ATP1A1: variants seen among roughly 807,000 people sequenced by gnomAD.
The protein encoded by ATP1A1 is ATPase Na+/K+ transporting subunit alpha 1, also known as sodium/potassium-transporting ATPase subunit alpha-1.
A neutral mutation model predicts 114.8 loss-of-function variants in ATP1A1; 14 were observed. The ratio of observed to expected loss-of-function variants is 0.12; its 90% CI spans 0.08 to 0.19. The LOEUF is 0.19. ATP1A1 is among the 10% of genes least tolerant of loss of function. ATP1A1 has a pLI of 1.00. For missense variants in ATP1A1, 524 were observed against 1,290.7 expected (o/e 0.41, Z 9.10); for synonymous variants, 471 against 466.3 (o/e 1.01, Z -0.13).
chr1:116,394,684 C>A (rs1652761526), intron 12 of ATP1A1, among the ~76,000 whole-genome samples: 1 of 152,100 alleles, frequency 6.6e-6, no homozygotes, highest in Non-Finnish European at 1.5e-5. Flanking sequence ...TAATATGTTT[C>A]AGTTAAATGA....
intron 1 of ATP1A1, among the ~76,000 whole-genome samples, chr1:116,379,122 G>T (rs1022492088): frequency 3.9e-5 from 6 of 152,202 alleles, no homozygotes; most frequent in Non-Finnish European, 8.8e-5. Context: ...GGCTCATTAA[G>T]AATTGACATG....
chr1:116,373,718 G>T, intron 1 of ATP1A1, 195 bp downstream of exon 1: 1 of 932,906 alleles, frequency 1.1e-6, no homozygotes, highest in Non-Finnish European at 1.4e-6. Flanking sequence ...GGGGGGCGGG[G>T]GAAGGGAGCG....
At chr1:116,374,287 A>G (rs1304918348) in intron 1 of ATP1A1, 1 of 1,551,636 alleles carries the variant, frequency 6.4e-7, no homozygotes, top group Admixed American at 2.0e-5. Context: ...TAAACACAGG[A>G]TGCACCGATG....
chr1:116,404,403 T>C lies in ATP1A1; in HGVS notation c.3044-13T>C, dbSNP rs1557797363. 3 of 1,613,806 alleles carry C rather than the reference T, an allele frequency of 1.9e-6. No individual in the cohort carries two copies. The highest frequency in any genetic ancestry group is 2.5e-6 in the Non-Finnish European group (3 of 1,179,894). On this transcript the variant is annotated splice_polypyrimidine_tract_variant and intron_variant, in intron 22 of 22. Transcript: ENST00000295598. This position sits in a 1 kb window ranked among gnomAD's most constrained non-coding sequence, Gnocchi z 4.8. Reference sequence around the variant, plus strand: ...ACTGTAGTGTGTCTTGTCTGTCTCTTTGCCACCCACAGGCTGGGTGGAGAA... The same window carrying C: ...ACTGTAGTGTGTCTTGTCTGTCTCTCTGCCACCCACAGGCTGGGTGGAGAA...
chr1:116,373,611 A>C, intron 1 of ATP1A1, 88 bp downstream of exon 1: 1 of 1,254,190 alleles, frequency 8.0e-7, no homozygotes. Flanking sequence ...GGCCAGCGGG[A>C]GGCGGCGGAG....
Position 116,387,542 on chromosome 1 carries a change from C to A in ATP1A1, c.387+51C>A. On this transcript the variant is annotated intron_variant, in intron 4 of 22. Coordinates refer to ENST00000295598, the MANE Select transcript of ATP1A1 (RefSeq NM_000701.8). The surrounding 1 kb of genome is among the most constrained non-coding windows in gnomAD (Gnocchi z 6.7). ...ATTTGTAGTACACATCAGATATCTT[C>A]TCCGTCTTTGTCTCCCACTTCTTCT... 6.3e-7 allele frequency: 1 copy of A among 1,584,926 alleles called. No individual in the cohort carries two copies. Among genetic ancestry groups the A allele is most frequent in the South Asian group, 1.1e-5 (1 of 89,570 alleles).
At position 116,393,924 on chromosome 1, in the gene ATP1A1, T is replaced by G. The variant is rs909660178; in HGVS notation, c.1660+201T>G. 2.6e-5 allele frequency among the ~76,000 whole-genome samples: 4 copies of G among 152,210 alleles called. No homozygotes were observed. The highest frequency in any genetic ancestry group is 9.7e-5 in the African/African-American group (4 of 41,450). ...AGTGCTGAAGAAATGTTCAGCGTAT[T>G]GGGCTGTGAGAAACAACGTCCTGAT... On this transcript the variant is annotated intron_variant, in intron 12 of 22. Transcript: ENST00000295598. This position sits in a 1 kb window ranked among gnomAD's most constrained non-coding sequence, Gnocchi z 5.0.
At chr1:116,394,545 A>G (rs1025038970) in intron 12 of ATP1A1, among the ~76,000 whole-genome samples, 2 of 152,146 alleles carry the variant, frequency 1.3e-5, no homozygotes, top group African/African-American at 4.8e-5. Context: ...TACAACATTG[A>G]AAAGAATGTC....
intron 8 of ATP1A1, 93 bp from the exon 9 acceptor site, chr1:116,390,120 T>C: frequency 7.7e-7 from 1 of 1,295,014 alleles, no homozygotes; most frequent in South Asian, 1.3e-5. Flanking sequence ...GATTTAATTT[T>C]AGACAAATTT....
Position 116,404,101 on chromosome 1 carries a change from G to C in ATP1A1, c.3043+126G>C. 1 of 916,358 alleles carries C rather than the reference G, an allele frequency of 1.1e-6. No homozygotes were observed. The highest frequency in any genetic ancestry group is 1.7e-6 in the Non-Finnish European group (1 of 597,154). 56.8% of individuals were successfully genotyped at this position (916,358 alleles called of 1,614,324 possible). ...TCAGTCTGATTAGCTAAGGTGACTG[G>C]ACCAGCAAACTGACCATAGTCACAT... On this transcript the variant is annotated intron_variant, in intron 22 of 22. Transcript: ENST00000295598. The surrounding 1 kb of genome is among the most constrained non-coding windows in gnomAD (Gnocchi z 4.8).
intron 1 of ATP1A1, chr1:116,374,276 G>T: frequency 4.5e-6 from 7 of 1,551,662 alleles, no homozygotes; most frequent in Non-Finnish European, 6.1e-6. Context: ...GCCACTTTCC[G>T]TAAACACAGG....
chr1:116,402,658 T>A (rs1290862588), intron 21 of ATP1A1, among the ~76,000 whole-genome samples: 1 of 152,200 alleles, frequency 6.6e-6, no homozygotes, highest in East Asian at 1.9e-4. Context: ...TCATGTTAGG[T>A]GAATTCGGCT....
At chr1:116,392,801 T>C in intron 10 of ATP1A1, 53 bp from the exon 11 acceptor site, 1 of 1,580,644 alleles carries the variant, frequency 6.3e-7, no homozygotes, top group South Asian at 1.2e-5. Flanking sequence ...TTTTTAGTGA[T>C]GCCTCAGTGA....
chr1:116,390,896 G>A lies in ATP1A1; in HGVS notation c.1332+5G>A. 1.2e-6 allele frequency: 2 copies of A among 1,608,594 alleles called. 1 individual carries two copies. The highest frequency in any genetic ancestry group is 2.2e-5 in the South Asian group (2 of 90,926). Reference sequence around the variant, plus strand: ...GAAAACCTACCTATTCTTAAGGTATGCTCAAGAGTTAACTAATGGAGGGAT... The same window carrying A: ...GAAAACCTACCTATTCTTAAGGTATACTCAAGAGTTAACTAATGGAGGGAT... On this transcript the variant is annotated splice_donor_5th_base_variant and intron_variant, in intron 10 of 22. Transcript: ENST00000295598.
Position 116,393,008 on chromosome 1 carries a change from C to G in ATP1A1, c.1467+20C>G. On this transcript the variant is annotated intron_variant, in intron 11 of 22. Transcript: ENST00000295598. The surrounding 1 kb of genome is among the most constrained non-coding windows in gnomAD (Gnocchi z 5.0). ...TACCAGGTCTGAAGATCGATGGGTA[C>G]ACGGAGGGCGAGGGCAAGCTGGGGG... is the stretch of plus-strand genomic sequence containing the variant. 2 of 1,612,728 alleles carry G rather than the reference C, an allele frequency of 1.2e-6. No individual in the cohort carries two copies. Among genetic ancestry groups the G allele is most frequent in the Non-Finnish European group, 1.7e-6 (2 of 1,179,312 alleles).
At chr1:116,377,550 A>G (rs1417343554) in intron 1 of ATP1A1, among the ~76,000 whole-genome samples, 1 of 152,238 alleles carries the variant, frequency 6.6e-6, no homozygotes, top group Non-Finnish European at 1.5e-5. Flanking sequence ...CTCCTGTTTA[A>G]TAGCATCTTT....
rs143238515 is a variant in ATP1A1, at chr1:116,377,701, T to A, written c.12+4178T>A. ...CCTGAACATTTGTGCTGTGCTGACTTCTTCTAGCTGCCGAGGGCTCTCTGC... is the reference window on the plus strand; with the variant it reads ...CCTGAACATTTGTGCTGTGCTGACTACTTCTAGCTGCCGAGGGCTCTCTGC... On this transcript the variant is annotated intron_variant, in intron 1 of 22. Transcript: ENST00000295598. 3.8e-4 allele frequency among the ~76,000 whole-genome samples: 58 copies of A among 152,332 alleles called. 1 individual carries two copies. The East Asian group carries it at 0.011, about 28-fold the overall frequency.
In ATP1A1 at chr1:116,384,182, C is replaced by G; in HGVS notation, c.123+58C>G. 1 of 1,391,028 alleles carries G rather than the reference C, an allele frequency of 7.2e-7. No individual in the cohort carries two copies. The highest frequency in any genetic ancestry group is 1.9e-5 in the Admixed American group (1 of 53,668). The allele number at this position is 1,391,028 out of a possible 1,614,324, so 86.2% of individuals were successfully genotyped here. A position where few individuals can be genotyped will look rare whatever the true frequency, so the allele number is the denominator to read the frequency against. On this transcript the variant is annotated intron_variant, in intron 2 of 22. Transcript: ENST00000295598. This position sits in a 1 kb window ranked among gnomAD's most constrained non-coding sequence, Gnocchi z 5.1. ...TTATTAAAAATCCATGATTTTTAAT[C>G]CCCCAGGCCTCACTGTATTCTTCAA...
chr1:116,401,029 A>G lies in ATP1A1; in HGVS notation c.2718+23A>G. 1 of 1,613,850 alleles carries G rather than the reference A, an allele frequency of 6.2e-7. No individual in the cohort carries two copies. The highest frequency in any genetic ancestry group is 8.5e-7 in the Non-Finnish European group (1 of 1,179,748). On this transcript the variant is annotated intron_variant, in intron 19 of 22. Transcript: ENST00000295598. This position sits in a 1 kb window ranked among gnomAD's most constrained non-coding sequence, Gnocchi z 4.7. ...TGGGTGAGTGGGCACCTCTGACCTG[A>G]CCAGTGTCAGAGCTCCTCAAGCCCC...
Sources: gnomAD v4.1 joint callset for allele counts (sites outside exome capture counted in the v4.1 genomes callset) on GRCh38, gnomAD v4.1.1 for gene constraint, Gnocchi (gnomAD v3.1) non-coding constraint, MANE v1.5 for transcripts, NCBI Gene and HGNC (gene_info 2026-07-23, HGNC 2026-07-21) for gene names.